The following TECRL variants were observed in gnomAD, a reference collection of about 807,000 sequenced individuals.
The protein encoded by TECRL is trans-2,3-enoyl-CoA reductase-like.
TECRL carries 63 observed loss-of-function variants against 52.8 expected under a neutral mutation model. The ratio of observed to expected loss-of-function variants is 1.19; its 90% CI spans 0.97 to 1.47. TECRL has a LOEUF of 1.47. Ranked by LOEUF, TECRL falls within the 40% of genes most tolerant of loss-of-function variation. The pLI, the probability that TECRL is intolerant of heterozygous loss-of-function variation, is 0.00. For synonymous variants in TECRL, 164 were observed against 141.9 expected (o/e 1.16, Z -1.10); for missense variants, 482 against 429.6 (o/e 1.12, Z -1.08).
At chr4:64,370,488 T>G (rs1577950084) in intron 2 of TECRL, among the ~76,000 whole-genome samples, 1 of 145,958 alleles carries the variant, frequency 6.9e-6, no homozygotes, top group Non-Finnish European at 1.5e-5. Context: ...GCAGAAAGTT[T>G]TTTTCATATC....
intron 2 of TECRL, 121 bp downstream of exon 2, chr4:64,375,051 G>T: frequency 2.5e-6 from 1 of 397,204 alleles, no homozygotes; most frequent in Non-Finnish European, 4.5e-6. Flanking sequence ...TATTGTTCCT[G>T]AGCTCCTTGT....
chr4:64,318,351 GA>G (rs1393806701), intron 4 of TECRL, among the ~76,000 whole-genome samples: 4 of 151,880 alleles, frequency 2.6e-5, no homozygotes, highest in African/African-American at 9.7e-5. Flanking sequence ...ACTTTGAAAA[GA>G]AAAATATTGA....
intron 4 of TECRL, among the ~76,000 whole-genome samples, chr4:64,318,665 A>C (rs1717677307): frequency 6.6e-6 from 1 of 152,070 alleles, no homozygotes; most frequent in Admixed American, 6.5e-5. Flanking sequence ...TTAAAAAAAT[A>C]AAATATTGTG....
intron 2 of TECRL, among the ~76,000 whole-genome samples, chr4:64,336,072 G>A (rs1719058800): frequency 6.6e-6 from 1 of 152,132 alleles, no homozygotes; most frequent in Admixed American, 6.5e-5. Context: ...GATTGGAATA[G>A]TTTCGGAAGG....
chr4:64,372,066 G>C (rs185980297), intron 2 of TECRL, among the ~76,000 whole-genome samples: 1 of 151,738 alleles, frequency 6.6e-6, no homozygotes, highest in Admixed American at 6.6e-5. Flanking sequence ...TTTTCAGCTA[G>C]GTTTTTAAAA....
At chr4:64,394,675 A>C (rs1723795850) in intron 1 of TECRL, among the ~76,000 whole-genome samples, 1 of 152,140 alleles carries the variant, frequency 6.6e-6, no homozygotes, top group Non-Finnish European at 1.5e-5. Context: ...CTTGTCCTTA[A>C]CCACTATACT....
At chr4:64,365,690 A>G (rs1442747409) in intron 2 of TECRL, among the ~76,000 whole-genome samples, 5 of 152,074 alleles carry the variant, frequency 3.3e-5, no homozygotes, top group African/African-American at 1.2e-4. Flanking sequence ...GATGATGTCT[A>G]CAATAAGAAT....
At chr4:64,393,049 C>A (rs930382468) in intron 1 of TECRL, among the ~76,000 whole-genome samples, 4 of 151,968 alleles carry the variant, frequency 2.6e-5, no homozygotes, top group Non-Finnish European at 4.4e-5. Context: ...TTGTGCTTGA[C>A]TAACAAACCC....
intron 1 of TECRL, among the ~76,000 whole-genome samples, chr4:64,376,778 C>T (rs1188653410): frequency 6.6e-6 from 1 of 151,952 alleles, no homozygotes; most frequent in Admixed American, 6.6e-5. Context: ...TATGAGGGCA[C>T]ATTATCTTGT....
chr4:64,288,275 T>A (rs1723184430), intron 9 of TECRL, among the ~76,000 whole-genome samples: 1 of 151,886 alleles, frequency 6.6e-6, no homozygotes, highest in Non-Finnish European at 1.5e-5. Flanking sequence ...GTTTAAGAAG[T>A]TTTGTGAGAG....
chr4:64,333,917 G>A (rs981795439), intron 2 of TECRL, among the ~76,000 whole-genome samples: 2 of 140,754 alleles, frequency 1.4e-5, no homozygotes, highest in Non-Finnish European at 3.1e-5. Context: ...CCAGCTACTC[G>A]GGAGGCTGAG....
intron 7 of TECRL, among the ~76,000 whole-genome samples, chr4:64,303,360 G>C (rs1724131517): frequency 6.6e-6 from 1 of 151,516 alleles, no homozygotes. Flanking sequence ...TTAAGAAATA[G>C]GAGTCTCTAC....
intron 2 of TECRL, among the ~76,000 whole-genome samples, chr4:64,360,010 T>C (rs1412293974): frequency 6.6e-6 from 1 of 152,142 alleles, no homozygotes; most frequent in Non-Finnish European, 1.5e-5. Context: ...TCAAGAATCA[T>C]AGAGACAAGA....
intron 1 of TECRL, among the ~76,000 whole-genome samples, chr4:64,393,278 T>G (rs1323980248): frequency 2.0e-5 from 3 of 152,156 alleles, no homozygotes; most frequent in South Asian, 2.1e-4. Context: ...AGTTTTACAT[T>G]TTCTTATTTG....
chr4:64,337,755 C>G (rs1463716682), intron 2 of TECRL, among the ~76,000 whole-genome samples: 3 of 152,092 alleles, frequency 2.0e-5, no homozygotes, highest in Non-Finnish European at 4.4e-5. Flanking sequence ...GAACTACAAA[C>G]CACTGCTCAA....
intron 1 of TECRL, among the ~76,000 whole-genome samples, chr4:64,384,660 A>G (rs1723049458): frequency 6.6e-6 from 1 of 152,072 alleles, no homozygotes; most frequent in South Asian, 2.1e-4. Flanking sequence ...TGGTAGGGGC[A>G]GTGCCAGTTT....
intron 2 of TECRL, among the ~76,000 whole-genome samples, chr4:64,355,808 A>AAAAG (rs71641409): frequency 1.3e-5 from 1 of 79,772 alleles, no homozygotes; most frequent in Non-Finnish European, 3.5e-5. Context: ...AAAAAAAAAG[A>AAAAG]ATAAGTTAAA....
chr4:64,333,747 G>A (rs945554514), intron 2 of TECRL, among the ~76,000 whole-genome samples: 2 of 127,712 alleles, frequency 1.6e-5, no homozygotes, highest in Admixed American at 1.5e-4. Flanking sequence ...CTGGCCGGGC[G>A]CGGTGGCTCA....
chr4:64,295,537 A>G (rs1260202934), intron 8 of TECRL, among the ~76,000 whole-genome samples: 1 of 151,528 alleles, frequency 6.6e-6, no homozygotes, highest in Non-Finnish European at 1.5e-5. Context: ...ATTGTATAAC[A>G]TAAAAATATG....
Sources: allele counts gnomAD v4.1 joint callset (sites outside exome capture counted in the v4.1 genomes callset), GRCh38; gene constraint gnomAD v4.1.1; transcripts MANE v1.5; gene names NCBI Gene and HGNC (gene_info 2026-07-23, HGNC 2026-07-21).